Variants in EHBP1 observed in about 807,000 individuals in gnomAD.
EHBP1 encodes EH domain binding protein 1.
In EHBP1, 55 loss-of-function variants were observed where a neutral mutation model predicts 144.0. The observed-to-expected ratio is 0.38, with a 90% CI of 0.31 to 0.48. The LOEUF (loss-of-function observed/expected upper bound fraction) is 0.48, where lower values mean the gene tolerates loss of function less well. Ranked by LOEUF, EHBP1 falls within the 20% of genes least tolerant of loss-of-function variation. The pLI is 0.98. For missense variants in EHBP1, 1,200 were observed against 1,364.2 expected, an observed-to-expected ratio of 0.88 and a Z score of 1.90; for synonymous variants, 469 against 472.7, an observed-to-expected ratio of 0.99 and a Z score of 0.10.
At position 62,948,593 on chromosome 2, in the gene EHBP1, G is replaced by A. The variant is rs747437775; in HGVS notation, c.1747G>A (p.Asp583Asn). 6 of 1,614,038 alleles carry A rather than the reference G, an allele frequency of 3.7e-6. No individual in the cohort carries two copies. Among genetic ancestry groups the A allele is most frequent in the Non-Finnish European group, 3.4e-6 (4 of 1,179,996 alleles). The change falls in exon 13 of 23, where the codon GAT becomes AAT. Residue 583 changes from aspartate (D) to asparagine (N), a missense_variant. Physicochemically the swap from Asp to Asn is conservative, Grantham distance 23. Around this residue, in one of 6 missense-constraint regions of EHBP1, gnomAD observed 543 missense variants for 513.1 expected, o/e 1.06. Transcript: ENST00000431489. ...LSQDDSVFVN[D>N]SGVGESESEH... Reference sequence around the variant, plus strand: ...ACAGGATGACTCTGTATTTGTAAATGATAGCGGGGTTGGAGAGTCAGAAAG... The same window carrying A: ...ACAGGATGACTCTGTATTTGTAAATAATAGCGGGGTTGGAGAGTCAGAAAG...
At chr2:62,887,746 C>CCTAG (rs1558859917) in intron 10 of EHBP1, among the ~76,000 whole-genome samples, 1 of 151,984 alleles carries the variant, frequency 6.6e-6, no homozygotes, top group Non-Finnish European at 1.5e-5. Flanking sequence ...TAGATTGATA[C>CCTAG]CTAGCTAGCT....
chr2:62,681,483 G>T (rs1237099109), intron 1 of EHBP1, among the ~76,000 whole-genome samples: 4 of 150,880 alleles, frequency 2.7e-5, no homozygotes, highest in Non-Finnish European at 5.9e-5. Flanking sequence ...AAGTTAAACT[G>T]CTAAAGAGGC....
intron 15 of EHBP1, among the ~76,000 whole-genome samples, chr2:62,980,874 C>T (rs1373941438): frequency 3.5e-4 from 48 of 138,710 alleles, no homozygotes; most frequent in African/African-American, 1.2e-3. Context: ...TTTTTTAAAT[C>T]ATTGCCTTCA....
chr2:62,909,350 T>G (rs1381498772), intron 10 of EHBP1, among the ~76,000 whole-genome samples: 1 of 152,094 alleles, frequency 6.6e-6, no homozygotes, highest in Non-Finnish European at 1.5e-5. Context: ...GCCTGGTTAA[T>G]TTTTGTATTT....
chr2:62,988,707 A>T (rs2059295027), intron 15 of EHBP1, among the ~76,000 whole-genome samples: 1 of 152,164 alleles, frequency 6.6e-6, no homozygotes, highest in African/African-American at 2.4e-5. Flanking sequence ...AGCAAGTAGC[A>T]ATCCAAAGTT....
chr2:62,855,810 A>G (rs892695884), intron 7 of EHBP1, among the ~76,000 whole-genome samples: 4 of 152,090 alleles, frequency 2.6e-5, no homozygotes, highest in Admixed American at 6.5e-5. Context: ...TGAGACAAAC[A>G]GTTGCAAAGA....
chr2:62,688,196 C>T (rs1294619755), intron 1 of EHBP1, among the ~76,000 whole-genome samples: 1 of 152,082 alleles, frequency 6.6e-6, no homozygotes, highest in Non-Finnish European at 1.5e-5. Context: ...TTTCCAATAG[C>T]ATGAGAGAGT....
intron 1 of EHBP1, among the ~76,000 whole-genome samples, chr2:62,679,960 A>G (rs1317107776): frequency 6.6e-6 from 1 of 152,228 alleles, no homozygotes; most frequent in Non-Finnish European, 1.5e-5. Context: ...GAGCGTACTT[A>G]GCATGTTAAT....
intron 19 of EHBP1, among the ~76,000 whole-genome samples, chr2:63,002,599 A>G (rs2059892713): frequency 1.3e-5 from 2 of 152,094 alleles, no homozygotes; most frequent in South Asian, 2.1e-4. Flanking sequence ...TGTTACTTAT[A>G]TTCCTGAAAT....
chr2:62,939,756 G>A (rs1296524849), intron 10 of EHBP1, among the ~76,000 whole-genome samples: 1 of 152,100 alleles, frequency 6.6e-6, no homozygotes, highest in Admixed American at 6.6e-5. Context: ...CCAGGGAAAT[G>A]TGCAAAGGCC....
chr2:62,881,418 G>GAAAAAAAA (rs371288881), intron 10 of EHBP1, among the ~76,000 whole-genome samples: 11 of 69,738 alleles, frequency 1.6e-4, no homozygotes, highest in East Asian at 5.3e-4. Context: ...AGGAAAAACG[G>GAAAAAAAA]AAAAAAAAAA....
intron 10 of EHBP1, among the ~76,000 whole-genome samples, chr2:62,920,252 G>A (rs1463258061): frequency 6.6e-6 from 1 of 152,086 alleles, no homozygotes; most frequent in East Asian, 1.9e-4. Context: ...TCATCAGAAA[G>A]GATCCTCATA....
intron 5 of EHBP1, chr2:62,771,877 G>A (rs2041690544): frequency 6.6e-6 from 1 of 152,266 alleles, no homozygotes; most frequent in Admixed American, 6.5e-5. Flanking sequence ...GGAGGCTGAG[G>A]TAGGCAGATC....
chr2:62,879,985 A>G (rs1411538289), intron 10 of EHBP1, among the ~76,000 whole-genome samples: 1 of 152,240 alleles, frequency 6.6e-6, no homozygotes, highest in Non-Finnish European at 1.5e-5. Context: ...AGAAGGGTAC[A>G]GTAATCAAAA....
chr2:62,830,459 A>G (rs1414138788), intron 6 of EHBP1, among the ~76,000 whole-genome samples: 1 of 151,890 alleles, frequency 6.6e-6, no homozygotes, highest in Non-Finnish European at 1.5e-5. Context: ...AGAATTGTCT[A>G]TTCATGTCTT....
intron 19 of EHBP1, among the ~76,000 whole-genome samples, chr2:63,029,849 C>T (rs1212949167): frequency 6.6e-6 from 1 of 152,194 alleles, no homozygotes; most frequent in African/African-American, 2.4e-5. Flanking sequence ...CTGCCTCAGC[C>T]TCCCGAGTAG....
chr2:62,917,542 C>T (rs1011552391), intron 10 of EHBP1, among the ~76,000 whole-genome samples: 1 of 152,130 alleles, frequency 6.6e-6, no homozygotes, highest in Non-Finnish European at 1.5e-5. Context: ...ATCTAATTGA[C>T]TCTATAGTTC....
At chr2:62,827,671 C>T (rs1471232643) in intron 6 of EHBP1, among the ~76,000 whole-genome samples, 2 of 145,912 alleles carry the variant, frequency 1.4e-5, no homozygotes, top group Admixed American at 6.8e-5. Flanking sequence ...AGCAAGTTAA[C>T]TTTTTTTTTT....
At chr2:62,752,987 T>C (rs1397298336) in intron 3 of EHBP1, among the ~76,000 whole-genome samples, 1 of 152,238 alleles carries the variant, frequency 6.6e-6, no homozygotes, top group Non-Finnish European at 1.5e-5. Flanking sequence ...AATTGAAGTA[T>C]TTAGCCCATT....
Sources: gnomAD v4.1 joint callset for allele counts (sites outside exome capture counted in the v4.1 genomes callset) on GRCh38, gnomAD v4.1.1 for gene constraint, gnomAD v4.1.1 regional missense constraint, MANE v1.5 for transcripts, NCBI Gene and HGNC (gene_info 2026-07-23, HGNC 2026-07-21) for gene names.